RGL1: variants seen among roughly 807,000 people sequenced by gnomAD.
RGL1 encodes the protein ral guanine nucleotide dissociation stimulator-like 1.
A neutral mutation model predicts 95.2 loss-of-function variants in RGL1; 24 were observed. That is an observed-to-expected ratio of 0.25 (90% CI 0.18 to 0.35). RGL1 has a LOEUF of 0.35. Among genes scored for constraint, RGL1 ranks in the 10% least tolerant of loss-of-function variants. The probability of loss-of-function intolerance (pLI) is 1.00; values close to 1 mark genes in which losing one functional copy is unlikely to be tolerated. For missense variants in RGL1, 715 were observed against 936.3 expected (o/e 0.76, Z 3.08); for synonymous variants, 329 against 344.9 (o/e 0.95, Z 0.51).
chr1:183,845,651 A>G (rs1664372034), intron 2 of RGL1, among the ~76,000 whole-genome samples: 1 of 152,086 alleles, frequency 6.6e-6, no homozygotes, highest in Admixed American at 6.6e-5. Flanking sequence ...TGGTACAACC[A>G]TTTTCTCAGT....
intron 2 of RGL1, among the ~76,000 whole-genome samples, chr1:183,759,987 G>A (rs919147040): frequency 6.6e-6 from 1 of 152,024 alleles, no homozygotes; most frequent in Admixed American, 6.6e-5. Flanking sequence ...CACATTAATG[G>A]TACACACATA....
intron 2 of RGL1, among the ~76,000 whole-genome samples, chr1:183,798,526 CTTA>C (rs1460480460): frequency 6.6e-6 from 1 of 151,990 alleles, no homozygotes; most frequent in Non-Finnish European, 1.5e-5. Context: ...TTAGTATATT[CTTA>C]TTATTTTGTG....
chr1:183,829,885 C>A (rs949224141), intron 2 of RGL1, among the ~76,000 whole-genome samples: 2 of 152,208 alleles, frequency 1.3e-5, no homozygotes, highest in African/African-American at 4.8e-5. Context: ...ATATCTAAGA[C>A]AAAACCTGAT....
At chr1:183,899,616 A>G (rs1318735102) in intron 10 of RGL1, among the ~76,000 whole-genome samples, 5 of 152,198 alleles carry the variant, frequency 3.3e-5, no homozygotes, top group Non-Finnish European at 2.9e-5. Flanking sequence ...GTTGATCTTT[A>G]TTACTTGGTT....
chr1:183,898,900 C>G (rs897623876), intron 10 of RGL1, among the ~76,000 whole-genome samples: 1 of 152,164 alleles, frequency 6.6e-6, no homozygotes, highest in Admixed American at 6.5e-5. Context: ...CTGTTTGAGG[C>G]TTTGTGTTCT....
At chr1:183,768,651 T>C (rs572709436) in intron 2 of RGL1, among the ~76,000 whole-genome samples, 5 of 151,740 alleles carry the variant, frequency 3.3e-5, no homozygotes, top group East Asian at 1.9e-4. Context: ...AAAAAAAAAA[T>C]TGTAGAGATG....
At chr1:183,700,786 C>T (rs1478286116) in intron 1 of RGL1, among the ~76,000 whole-genome samples, 3 of 152,008 alleles carry the variant, frequency 2.0e-5, no homozygotes, top group African/African-American at 4.8e-5. Context: ...CCTTGTGATC[C>T]GCCCACCTCG....
rs182272830 is a variant in RGL1 at position 183,917,856 on chromosome 1, T to C, written c.2004+1155T>C. On this transcript the variant is annotated intron_variant, in intron 16 of 17. Coordinates refer to ENST00000360851, the MANE Select transcript of RGL1 (RefSeq NM_001297671.3). ...GAAGGCTTTTAAGTAGTGATGGGAT[T>C]TGCTCATTAAGAAAGTCATGGCACT... Among the ~76,000 whole-genome samples the C allele has an allele frequency of 2.0e-5, 3 of 152,332 alleles. No individual in the cohort carries two copies. The East Asian group carries it at 5.8e-4, about 29-fold the overall frequency.
intron 2 of RGL1, among the ~76,000 whole-genome samples, chr1:183,747,585 T>C (rs1003447372): frequency 6.6e-6 from 1 of 152,214 alleles, no homozygotes; most frequent in Non-Finnish European, 1.5e-5. Flanking sequence ...ACTTTGTAGG[T>C]TGCCTGTTCA....
intron 8 of RGL1, among the ~76,000 whole-genome samples, chr1:183,888,865 A>G (rs992375462): frequency 3.3e-5 from 5 of 152,100 alleles, no homozygotes; most frequent in Non-Finnish European, 7.4e-5. Flanking sequence ...TTGTGGAGTG[A>G]TGAAGTTACA....
At chr1:183,640,243 A>T (rs1649835445) in intron 1 of RGL1, among the ~76,000 whole-genome samples, 1 of 152,230 alleles carries the variant, frequency 6.6e-6, no homozygotes, top group Non-Finnish European at 1.5e-5. Context: ...TTAGAGGAAG[A>T]GATGCTGTTA....
Position 183,926,099 on chromosome 1 carries a change from T to G in RGL1, c.2120-6T>G. 3.1e-6 allele frequency: 5 copies of G among 1,612,156 alleles called. No individual in the cohort carries two copies. The highest frequency in any genetic ancestry group is 4.2e-6 in the Non-Finnish European group (5 of 1,178,884). On this transcript the variant is annotated splice_polypyrimidine_tract_variant and splice_region_variant and intron_variant, in intron 17 of 17. Transcript: ENST00000360851. ...TGACCATCTTATCTTTCCTTATCTTTTTCAGAACTTGTGATTCCAGACTCA... is the reference window on the plus strand; with the variant it reads ...TGACCATCTTATCTTTCCTTATCTTGTTCAGAACTTGTGATTCCAGACTCA...
chr1:183,794,464 G>A (rs1660596978), intron 2 of RGL1, among the ~76,000 whole-genome samples: 1 of 152,172 alleles, frequency 6.6e-6, no homozygotes, highest in Admixed American at 6.5e-5. Context: ...AATGTTAAAT[G>A]TTTGAAATGA....
intron 1 of RGL1, among the ~76,000 whole-genome samples, chr1:183,719,537 G>T (rs1438356530): frequency 6.6e-6 from 1 of 152,176 alleles, no homozygotes; most frequent in Non-Finnish European, 1.5e-5. Flanking sequence ...GGGCCTTTGT[G>T]TGACACAGCT....
chr1:183,746,956 C>T (rs1359940859), intron 2 of RGL1, among the ~76,000 whole-genome samples: 1 of 152,124 alleles, frequency 6.6e-6, no homozygotes, highest in Non-Finnish European at 1.5e-5. Flanking sequence ...TTTCCAGCTT[C>T]ATCCATGTCC....
Position 183,883,791 on chromosome 1 carries a change from C to T in RGL1, c.616C>T (p.Leu206Phe), listed in dbSNP as rs1666956147. The T allele has an allele frequency of 6.2e-7, 1 of 1,613,966 alleles. No homozygotes were observed. The highest frequency in any genetic ancestry group is 8.5e-7 in the Non-Finnish European group (1 of 1,179,842). The change falls in exon 6 of 18, where the codon CTT (leucine) becomes TTT (phenylalanine). Residue 206 changes from leucine to phenylalanine, a missense_variant. Leu to Phe is a conservative substitution (Grantham distance 22). This residue lies in a region of RGL1 where 381 missense variants were observed against 484.8 expected (regional missense o/e 0.79). Coordinates refer to ENST00000360851, the MANE Select transcript of RGL1 (RefSeq NM_001297671.3). Reference sequence around the variant, plus strand: ...TCTTTTCCATATGTGAACAGATGGGCTTCCCAACACGATCTCCTTCAGCCT... The same window carrying T: ...TCTTTTCCATATGTGAACAGATGGGTTTCCCAACACGATCTCCTTCAGCCT... ...QKQEVETDNG[L>F]PNTISFSLEE...
chr1:183,844,526 C>G (rs533646189), intron 2 of RGL1, among the ~76,000 whole-genome samples: 1 of 152,292 alleles, frequency 6.6e-6, no homozygotes, highest in African/African-American at 2.4e-5. Flanking sequence ...AAAGAGATAT[C>G]ATTGACTTTG....
At chr1:183,856,300 CATATATATAACAGAACATATATAT>C (rs1025099682) in intron 3 of RGL1, among the ~76,000 whole-genome samples, 1 of 151,770 alleles carries the variant, frequency 6.6e-6, no homozygotes, top group Non-Finnish European at 1.5e-5. Flanking sequence ...CATACACACA[CATATATATAACAGAACATATATAT>C]ATATGTTCTG....
chr1:183,864,784 G>A (rs147133923), intron 3 of RGL1, among the ~76,000 whole-genome samples: 1,883 of 152,298 alleles, frequency 0.012, 17 homozygotes, highest in Non-Finnish European at 0.019. Flanking sequence ...AGGTGGATGG[G>A]TGAGCTGGTG....
Sources: gnomAD v4.1 joint callset for allele counts (sites outside exome capture counted in the v4.1 genomes callset) on GRCh38, gnomAD v4.1.1 for gene constraint, gnomAD v4.1.1 regional missense constraint, MANE v1.5 for transcripts, NCBI Gene and HGNC (gene_info 2026-07-23, HGNC 2026-07-21) for gene names.